THSD4: variants seen among roughly 807,000 people sequenced by gnomAD.
The protein encoded by THSD4 is thrombospondin type 1 domain containing 4, also known as thrombospondin type-1 domain-containing protein 4.
A neutral mutation model predicts 119.0 loss-of-function variants in THSD4; 69 were observed. The observed-to-expected ratio is 0.58, with a 90% confidence interval of 0.48 to 0.71. The LOEUF is 0.71. Among genes scored for constraint, THSD4 ranks in the 30% least tolerant of loss-of-function variants. THSD4 has a pLI of 0.00. For synonymous variants in THSD4, 524 were observed against 540.4 expected, an observed-to-expected ratio of 0.97 and a Z score of 0.42; for missense variants, 1,393 against 1,391.1, an observed-to-expected ratio of 1.00 and a Z score of -0.02.
In THSD4 at chr15:71,768,286, A is replaced by C. The variant is rs532907431; in HGVS notation, c.2770-2778A>C. Among the ~76,000 whole-genome samples, 6 of 151,484 alleles carry C rather than the reference A, an allele frequency of 4.0e-5. No individual in the cohort carries two copies. The East Asian group carries it at 7.7e-4, about 20-fold the overall frequency. Reference sequence around the variant, plus strand: ...GTCTCACAAAAAAAACCAAAAAAAAACCCTGCACCTGTTAAGGCCTCTTTT... The same window carrying C: ...GTCTCACAAAAAAAACCAAAAAAAACCCCTGCACCTGTTAAGGCCTCTTTT... On this transcript the variant is annotated intron_variant, in intron 16 of 17. Coordinates refer to ENST00000261862, the MANE Select transcript of THSD4 (RefSeq NM_024817.3).
At chr15:71,644,567 C>T (rs796151596) in intron 7 of THSD4, among the ~76,000 whole-genome samples, 5 of 152,252 alleles carry the variant, frequency 3.3e-5, no homozygotes, top group African/African-American at 1.2e-4. Context: ...TAGGTCAATA[C>T]TCTATGCCAC....
At chr15:71,396,018 G>A (rs1440663833) in intron 6 of THSD4, among the ~76,000 whole-genome samples, 1 of 150,402 alleles carries the variant, frequency 6.6e-6, no homozygotes, top group Non-Finnish European at 1.5e-5. Flanking sequence ...GTGGACCCAC[G>A]CATTCAAGTG....
intron 7 of THSD4, among the ~76,000 whole-genome samples, chr15:71,508,503 C>A (rs2140749119): frequency 6.6e-6 from 1 of 152,254 alleles, no homozygotes; most frequent in Admixed American, 6.5e-5. Flanking sequence ...AAAGTCACCG[C>A]ACTGAAAATC....
At chr15:71,468,959 C>G (rs1361744329) in intron 7 of THSD4, among the ~76,000 whole-genome samples, 1 of 152,208 alleles carries the variant, frequency 6.6e-6, no homozygotes, top group African/African-American at 2.4e-5. Context: ...GAAATGTAGT[C>G]TTTATTCTGG....
chr15:71,239,791 A>G (rs1326126760), intron 4 of THSD4, among the ~76,000 whole-genome samples: 1 of 152,190 alleles, frequency 6.6e-6, no homozygotes, highest in Middle Eastern at 3.2e-3. Context: ...CCCCCCTGCA[A>G]GCGGCCAGAT....
At chr15:71,569,993 CA>C (rs1567041913) in intron 7 of THSD4, among the ~76,000 whole-genome samples, 1 of 146,036 alleles carries the variant, frequency 6.8e-6, no homozygotes, top group South Asian at 2.4e-4. Context: ...GACTCTATTT[CA>C]AAAAAATAAA....
chr15:71,515,825 G>A (rs934508606), intron 7 of THSD4, among the ~76,000 whole-genome samples: 1 of 152,158 alleles, frequency 6.6e-6, no homozygotes, highest in African/African-American at 2.4e-5. Context: ...TCCCATTGCC[G>A]GAAAGTGGGT....
At position 71,194,433 on chromosome 15, in the gene THSD4, C is replaced by A. The variant is rs148389142; in HGVS notation, c.100-20602C>A. ...GGTACTAAGGGCACTGCGGAGGGGT[C>A]TGGAGATAGTTTGCCATTTCCACAC... is the stretch of plus-strand genomic sequence containing the variant. On this transcript the variant is annotated intron_variant, in intron 3 of 17. Transcript: ENST00000261862. Among the ~76,000 whole-genome samples the A allele has an allele frequency of 8.5e-3, 1,293 of 152,276 alleles. 11 individuals are homozygous for A. The highest frequency in any genetic ancestry group is 0.034 in the Middle Eastern group (10 of 294).
chr15:71,768,970 G>A (rs369948707), intron 16 of THSD4, among the ~76,000 whole-genome samples: 19,905 of 24,816 alleles, frequency 0.8, 7,537 homozygotes, highest in Middle Eastern at 0.85. Flanking sequence ...TGGGGGGGTC[G>A]GCCCCCCGCC....
intron 1 of THSD4, among the ~76,000 whole-genome samples, chr15:71,108,714 G>A (rs1007786425): frequency 6.6e-6 from 1 of 152,166 alleles, no homozygotes; most frequent in African/African-American, 2.4e-5. Flanking sequence ...AAATAGGGCC[G>A]GGCGTGGTAG....
chr15:71,204,748 A>G (rs1044113229), intron 3 of THSD4, among the ~76,000 whole-genome samples: 2 of 152,034 alleles, frequency 1.3e-5, no homozygotes, highest in African/African-American at 4.8e-5. Flanking sequence ...TACCTCTTTT[A>G]TTAAAAGTAT....
intron 7 of THSD4, among the ~76,000 whole-genome samples, chr15:71,497,692 C>T (rs559419597): frequency 2.7e-4 from 41 of 152,268 alleles, no homozygotes; most frequent in Non-Finnish European, 2.6e-4. Flanking sequence ...AAAAGCATTA[C>T]TTGCCAAGCT....
chr15:71,111,480 T>G, upstream of THSD4: 5 of 1,305,440 alleles, frequency 3.8e-6, no homozygotes, highest in South Asian at 1.4e-5. Context: ...GGAGGGAATC[T>G]ACCCTGAGAT....
intron 7 of THSD4, among the ~76,000 whole-genome samples, chr15:71,614,687 G>C (rs1206473412): frequency 6.6e-6 from 1 of 152,174 alleles, no homozygotes; most frequent in Non-Finnish European, 1.5e-5. Context: ...GAGAATGAGA[G>C]GTCAATATTG....
At chr15:71,280,852 A>G (rs2044643193) in intron 6 of THSD4, among the ~76,000 whole-genome samples, 1 of 152,206 alleles carries the variant, frequency 6.6e-6, no homozygotes, top group Non-Finnish European at 1.5e-5. Context: ...AATGGACTAC[A>G]TTACTGAAGG....
chr15:71,536,888 A>G (rs921257209), intron 7 of THSD4, among the ~76,000 whole-genome samples: 1 of 152,136 alleles, frequency 6.6e-6, no homozygotes, highest in Non-Finnish European at 1.5e-5. Context: ...GGAAAAGACT[A>G]TTCTTCCCTT....
Position 71,590,081 on chromosome 15 carries a change from A to G in THSD4, c.1153-70449A>G, listed in dbSNP as rs1032509031. On this transcript the variant is annotated intron_variant, in intron 7 of 17. Coordinates refer to ENST00000261862, the MANE Select transcript of THSD4 (RefSeq NM_024817.3). ...GGAAATTATGAATGCCAAATTGAAG[A>G]TAGTGGTTACGGCTGATGAAGGAGA... 2.1e-5 allele frequency among the ~76,000 whole-genome samples: 3 copies of G among 139,642 alleles called. 1 individual carries two copies. Among genetic ancestry groups the G allele is most frequent in the Non-Finnish European group, 4.9e-5 (3 of 61,304 alleles). 91.6% of individuals were successfully genotyped at this position (139,642 alleles called of 152,430 possible).
At chr15:71,419,009 A>G (rs1029310106) in intron 7 of THSD4, among the ~76,000 whole-genome samples, 1 of 107,436 alleles carries the variant, frequency 9.3e-6, no homozygotes, top group Non-Finnish European at 2.0e-5. Context: ...CTGTGGTATC[A>G]GTTGTTATGT....
chr15:71,146,633 A>G (rs981712755), intron 2 of THSD4, among the ~76,000 whole-genome samples: 1 of 152,192 alleles, frequency 6.6e-6, no homozygotes, highest in African/African-American at 2.4e-5. Context: ...GTGTGGAAAC[A>G]TGGTTGACAC....
Sources: gnomAD v4.1 joint callset for allele counts (sites outside exome capture counted in the v4.1 genomes callset) on GRCh38, gnomAD v4.1.1 for gene constraint, MANE v1.5 for transcripts, NCBI Gene and HGNC (gene_info 2026-07-23, HGNC 2026-07-21) for gene names.